The following CCDC102B variants were observed in gnomAD, a reference collection of about 807,000 sequenced individuals.
The protein encoded by CCDC102B is coiled-coil domain containing 102B, also known as coiled-coil domain-containing protein 102B.
A neutral mutation model predicts 57.4 loss-of-function variants in CCDC102B; 75 were observed. The ratio of observed to expected loss-of-function variants is 1.31; its 90% confidence interval spans 1.08 to 1.58. CCDC102B has a LOEUF of 1.58. CCDC102B is among the 40% of genes most tolerant of loss of function. The pLI is 0.00. For missense variants in CCDC102B, 636 were observed against 582.6 expected (o/e 1.09, Z -0.94); for synonymous variants, 206 against 201.9 (o/e 1.02, Z -0.17).
intron 5 of CCDC102B, among the ~76,000 whole-genome samples, chr18:68,894,449 AG>A (rs1259920567): frequency 6.6e-6 from 1 of 151,972 alleles, no homozygotes; most frequent in Non-Finnish European, 1.5e-5. Context: ...AAAATATTTT[AG>A]GAGTTTCTCT....
At chr18:68,908,596 A>G (rs907248240) in intron 6 of CCDC102B, 1 of 152,134 alleles carries the variant, frequency 6.6e-6, no homozygotes, top group East Asian at 1.9e-4. Context: ...AATGATTTTA[A>G]CCCAAATGTT....
chr18:68,737,767 A>G (rs2033211692), intron 2 of CCDC102B, among the ~76,000 whole-genome samples: 1 of 152,110 alleles, frequency 6.6e-6, no homozygotes. Context: ...TAATAGAGCA[A>G]CTTCTTTCTG....
chr18:68,951,937 A>T (rs1259104550), intron 6 of CCDC102B, among the ~76,000 whole-genome samples: 2 of 152,154 alleles, frequency 1.3e-5, no homozygotes, highest in Non-Finnish European at 2.9e-5. Context: ...AAAGATACTG[A>T]TTCTCATTAT....
chr18:68,878,867 G>A (rs961093026), intron 5 of CCDC102B, among the ~76,000 whole-genome samples: 1 of 152,200 alleles, frequency 6.6e-6, no homozygotes, highest in Non-Finnish European at 1.5e-5. Flanking sequence ...TGGGTTCTTG[G>A]TCTCACTGAC....
intron 5 of CCDC102B, among the ~76,000 whole-genome samples, chr18:68,879,501 C>T (rs2039593614): frequency 6.6e-6 from 1 of 152,100 alleles, no homozygotes; most frequent in Non-Finnish European, 1.5e-5. Flanking sequence ...GATTTACAAT[C>T]CCTGAGCTAG....
At chr18:69,011,307 T>C in intron 7 of CCDC102B, 2 of 546,970 alleles carry the variant, frequency 3.7e-6, no homozygotes, top group Non-Finnish European at 6.3e-6. Flanking sequence ...TAGTATATGT[T>C]TTACGAGTGC....
intron 2 of CCDC102B, among the ~76,000 whole-genome samples, chr18:68,780,773 A>G (rs1375777585): frequency 6.6e-6 from 1 of 152,044 alleles, no homozygotes; most frequent in Admixed American, 6.6e-5. Context: ...TGGATCAGAA[A>G]CATTTTGCAT....
At chr18:69,018,003 G>C (rs2051716949) in intron 7 of CCDC102B, among the ~76,000 whole-genome samples, 1 of 152,152 alleles carries the variant, frequency 6.6e-6, no homozygotes, top group African/African-American at 2.4e-5. Flanking sequence ...TTCTGTGTGT[G>C]TGTGTGTGTG....
At chr18:68,974,970 G>T (rs1426914545) in intron 6 of CCDC102B, among the ~76,000 whole-genome samples, 1 of 151,692 alleles carries the variant, frequency 6.6e-6, no homozygotes, top group Non-Finnish European at 1.5e-5. Flanking sequence ...TAATCTATCA[G>T]AATTATTTAT....
intron 6 of CCDC102B, among the ~76,000 whole-genome samples, chr18:68,963,892 G>C (rs1161579622): frequency 6.6e-6 from 1 of 151,716 alleles, no homozygotes; most frequent in Non-Finnish European, 1.5e-5. Context: ...TTTATGGATG[G>C]TATCATCATG....
chr18:68,832,231 A>G (rs1291629946), intron 1 of CCDC102B, among the ~76,000 whole-genome samples: 1 of 152,228 alleles, frequency 6.6e-6, no homozygotes, highest in Non-Finnish European at 1.5e-5. Context: ...AACTTCTGCC[A>G]AAAATGCTTT....
intron 2 of CCDC102B, among the ~76,000 whole-genome samples, chr18:68,789,573 ATTCAT>A (rs2035349684): frequency 6.8e-6 from 1 of 148,056 alleles, no homozygotes; most frequent in South Asian, 2.2e-4. Flanking sequence ...GCTTCATTTC[ATTCAT>A]TTCATCTTCC....
At chr18:68,893,163 A>G (rs2040135936) in intron 5 of CCDC102B, among the ~76,000 whole-genome samples, 1 of 152,188 alleles carries the variant, frequency 6.6e-6, no homozygotes. Flanking sequence ...AAATAAATTT[A>G]TGACTTTAGA....
At chr18:69,038,649 T>G (rs2052355580) in intron 7 of CCDC102B, among the ~76,000 whole-genome samples, 1 of 152,000 alleles carries the variant, frequency 6.6e-6, no homozygotes, top group African/African-American at 2.4e-5. Flanking sequence ...CTTCCAACCA[T>G]GTCTATTAAG....
intron 6 of CCDC102B, among the ~76,000 whole-genome samples, chr18:68,958,478 G>A (rs1300213472): frequency 6.6e-6 from 1 of 152,000 alleles, no homozygotes; most frequent in African/African-American, 2.4e-5. Context: ...TTTTTTAGAT[G>A]TATCATTAAC....
chr18:68,748,146 C>A (rs1232242951), intron 2 of CCDC102B, among the ~76,000 whole-genome samples: 1 of 150,100 alleles, frequency 6.7e-6, no homozygotes, highest in Admixed American at 6.7e-5. Flanking sequence ...TACTTGATGG[C>A]CATTTATATG....
chr18:68,927,107 G>A (rs117956343), intron 6 of CCDC102B, among the ~76,000 whole-genome samples: 1 of 152,028 alleles, frequency 6.6e-6, no homozygotes, highest in Non-Finnish European at 1.5e-5. Context: ...GTAAGCATGT[G>A]TAACGGAAAG....
At chr18:68,909,836 T>C (rs1212474880) in intron 6 of CCDC102B, among the ~76,000 whole-genome samples, 2 of 152,188 alleles carry the variant, frequency 1.3e-5, no homozygotes, top group Non-Finnish European at 2.9e-5. Flanking sequence ...TAAAAGTGCA[T>C]CTGGACCTTA....
intron 7 of CCDC102B, among the ~76,000 whole-genome samples, chr18:69,017,689 A>G (rs2051707844): frequency 6.6e-6 from 1 of 152,172 alleles, no homozygotes; most frequent in Non-Finnish European, 1.5e-5. Context: ...AAGCAAATTT[A>G]TGGTATACAA....
Sources: gnomAD v4.1 joint callset for allele counts (sites outside exome capture counted in the v4.1 genomes callset) on GRCh38, gnomAD v4.1.1 for gene constraint, MANE v1.5 for transcripts, NCBI Gene and HGNC (gene_info 2026-07-23, HGNC 2026-07-21) for gene names.